Variants in ZSCAN22 observed in about 807,000 individuals in gnomAD.
The protein encoded by ZSCAN22 is zinc finger and SCAN domain containing 22.
In ZSCAN22, 7 loss-of-function variants were observed where a neutral mutation model predicts 12.4. The ratio of observed to expected loss-of-function variants is 0.57; its 90% CI spans 0.32 to 1.06. The LOEUF (loss-of-function observed/expected upper bound fraction) is 1.06. Among genes scored for constraint, ZSCAN22 ranks in the 50% least tolerant of loss-of-function variants. The probability of loss-of-function intolerance (pLI) is 0.04; values close to 1 mark genes in which losing one functional copy is unlikely to be tolerated. For missense variants in ZSCAN22, 576 were observed against 631.7 expected (o/e 0.91, Z 0.94); for synonymous variants, 243 against 255.9 (o/e 0.95, Z 0.48).
intron 1 of ZSCAN22, among the ~76,000 whole-genome samples, chr19:58,331,214 ACT>A (rs2051719450): frequency 7.2e-6 from 1 of 139,228 alleles, no homozygotes; most frequent in African/African-American, 2.8e-5. Flanking sequence ...TATCAAATGC[ACT>A]TTTTTTTTTT....
rs1425438526 is a variant in ZSCAN22 at position 58,339,361 on chromosome 19, T to A, written c.*35T>A. 1 of 1,536,302 alleles carries A rather than the reference T, an allele frequency of 6.5e-7. No homozygotes were observed. Among genetic ancestry groups the A allele is most frequent in the African/African-American group, 1.4e-5 (1 of 72,458 alleles). Reference sequence around the variant, plus strand: ...GCCCCTGGGGGCGTAGCACAGCGTCTTCTCGGAGGCTCGAGGTCTAAGAGA... The same window carrying A: ...GCCCCTGGGGGCGTAGCACAGCGTCATCTCGGAGGCTCGAGGTCTAAGAGA... On this transcript the variant is annotated 3_prime_UTR_variant, in exon 3 of 3. Transcript: ENST00000329665. This position sits in a 1 kb window ranked among gnomAD's most constrained non-coding sequence, Gnocchi z 5.6.
Position 58,340,943 on chromosome 19 carries a change from G to GC in ZSCAN22, c.*1619dup, listed in dbSNP as rs1452784076. 6.6e-6 allele frequency: 1 copy of GC among 152,084 alleles called. No individual in the cohort carries two copies. The highest frequency in any genetic ancestry group is 1.5e-5 in the Non-Finnish European group (1 of 68,026). 9.4% of individuals were successfully genotyped at this position (152,084 alleles called of 1,614,324 possible). On this transcript the variant is annotated 3_prime_UTR_variant, in exon 3 of 3. Transcript: ENST00000329665. ...TTACTTATTTGCTCCTTGTAGAGCT[G>GC]CCTTTTCCAAGGATACCATAAACTC... is the stretch of plus-strand genomic sequence containing the variant.
Position 58,338,796 on chromosome 19 carries a change from G to A in ZSCAN22, c.946G>A (p.Val316Ile), listed in dbSNP as rs2051831302. ...GAGCACTCACCTCGCCCAGCACCAGGTTGTCCACACAGGGGCGAAGCCCCA... is the reference window on the plus strand; with the variant it reads ...GAGCACTCACCTCGCCCAGCACCAGATTGTCCACACAGGGGCGAAGCCCCA... ...SRSTHLAQHQVVHTGAKPHEC... is the reference protein window; with the variant it reads ...SRSTHLAQHQIVHTGAKPHEC... The change falls in exon 3 of 3, where the codon GTT becomes ATT. Residue 316 changes from valine (V) to isoleucine (I), a missense_variant. Physicochemically the swap from Val to Ile is conservative, Grantham distance 29. Coordinates refer to ENST00000329665, the MANE Select transcript of ZSCAN22 (RefSeq NM_181846.3). The surrounding 1 kb of genome is among the most constrained non-coding windows in gnomAD (Gnocchi z 5.4). The A allele has an allele frequency of 1.2e-6, 2 of 1,613,110 alleles. No homozygotes were observed. The highest frequency in any genetic ancestry group is 1.3e-5 in the African/African-American group (1 of 74,588).
chr19:58,328,217 G>C (rs2051679545), intron 1 of ZSCAN22, among the ~76,000 whole-genome samples: 3 of 152,182 alleles, frequency 2.0e-5, no homozygotes, highest in Admixed American at 6.5e-5. Context: ...GTATTTTGAA[G>C]GCTGTGGCTG....
chr19:58,339,049 G>A lies in ZSCAN22; in HGVS notation c.1199G>A (p.Arg400His), dbSNP rs552021073. ...SQSTHLTQHQ[R>H]IHTGEKPYKC... ...AGCACGCACCTGACTCAACACCAGC[G>A]CATCCACACCGGGGAGAAGCCCTAC... Residue 400 changes from arginine to histidine, a missense_variant, in exon 3 of 3, where the codon CGC (arginine) becomes CAC (histidine). Physicochemically the swap from Arg to His is conservative, Grantham distance 29. Coordinates refer to ENST00000329665, the MANE Select transcript of ZSCAN22 (RefSeq NM_181846.3). The surrounding 1 kb of genome is among the most constrained non-coding windows in gnomAD (Gnocchi z 5.6). 145 of 1,614,082 alleles carry A rather than the reference G, an allele frequency of 9.0e-5. 1 individual carries two copies. Among genetic ancestry groups the A allele is most frequent in the South Asian group, 5.1e-4 (46 of 91,084 alleles).
Position 58,334,960 on chromosome 19 carries a change from G to A in ZSCAN22, c.158G>A (p.Arg53Gln), listed in dbSNP as rs773920717. 3 of 1,613,968 alleles carry A rather than the reference G, an allele frequency of 1.9e-6. No individual in the cohort carries two copies. The highest frequency in any genetic ancestry group is 1.1e-5 in the South Asian group (1 of 91,088). ...AHSEAARLRF[R>Q]HFRYEEASGP... ...TCTGAGGCTGCACGCCTGCGCTTCC[G>A]GCACTTCCGCTATGAGGAGGCATCT... The change falls in exon 2 of 3, where the codon CGG (arginine) becomes CAG (glutamine). Residue 53 changes from arginine (R) to glutamine (Q), a missense_variant. Physicochemically the swap from Arg to Gln is conservative, Grantham distance 43 (BLOSUM62 1). Coordinates refer to ENST00000329665, the MANE Select transcript of ZSCAN22 (RefSeq NM_181846.3).
chr19:58,327,425 A>C, intron 1 of ZSCAN22, among the ~76,000 whole-genome samples: 1 of 151,960 alleles, frequency 6.6e-6, no homozygotes, highest in Non-Finnish European at 1.5e-5. Flanking sequence ...ACCGACGGAG[A>C]ATGTGTCGGA....
chr19:58,327,373 G>A lies in ZSCAN22; in HGVS notation c.-52+259G>A, dbSNP rs185160766. On this transcript the variant is annotated intron_variant, in intron 1 of 2. Coordinates refer to ENST00000329665, the MANE Select transcript of ZSCAN22 (RefSeq NM_181846.3). ...ACGGACCCGGTGTGGACAGACTCAC[G>A]GACCGAATGTGGTGCGGAATGACAC... Among the ~76,000 whole-genome samples, 1,444 of 152,210 alleles carry A rather than the reference G, an allele frequency of 9.5e-3. 20 individuals are homozygous for A. The highest frequency in any genetic ancestry group is 0.033 in the African/African-American group (1,368 of 41,522).
Position 58,339,563 on chromosome 19 carries a change from A to G in ZSCAN22, c.*237A>G, listed in dbSNP as rs1423577210. ...GCTTCCAGAAGGGCCCTGCACTGCT[A>G]CCCTCTATTTCCCACTCAGGGCTGT... is the stretch of plus-strand genomic sequence containing the variant. On this transcript the variant is annotated 3_prime_UTR_variant, in exon 3 of 3. Coordinates refer to ENST00000329665, the MANE Select transcript of ZSCAN22 (RefSeq NM_181846.3). This position sits in a 1 kb window ranked among gnomAD's most constrained non-coding sequence, Gnocchi z 5.6. The G allele has an allele frequency of 1.8e-5, 9 of 497,884 alleles. No homozygotes were observed. In the East Asian group the frequency reaches 2.2e-4, roughly 12 times the overall value. 30.8% of individuals were successfully genotyped at this position (497,884 alleles called of 1,614,324 possible). A position where few individuals can be genotyped will look rare whatever the true frequency, so the allele number is the denominator to read the frequency against.
At chr19:58,337,786 C>T (rs2051814731) in intron 2 of ZSCAN22, among the ~76,000 whole-genome samples, 1 of 116,764 alleles carries the variant, frequency 8.6e-6, no homozygotes, top group Non-Finnish European at 1.8e-5. Context: ...AGGGACAGAA[C>T]TCCAACCCCA....
chr19:58,328,538 A>C (rs1193000096), intron 1 of ZSCAN22, among the ~76,000 whole-genome samples: 1 of 152,220 alleles, frequency 6.6e-6, no homozygotes, highest in Non-Finnish European at 1.5e-5. Context: ...CAACCCTCTG[A>C]GGTAGGTACC....
chr19:58,330,014 C>T (rs2051703429), intron 1 of ZSCAN22, among the ~76,000 whole-genome samples: 2 of 152,198 alleles, frequency 1.3e-5, no homozygotes, highest in Admixed American at 1.3e-4. Flanking sequence ...TGCGGCCAGG[C>T]GCAGTGGCTC....
Position 58,339,324 on chromosome 19 carries a change from T to G in ZSCAN22, c.1474T>G (p.Ter492GlyextTer33), listed in dbSNP as rs2051843346. Residue 492 changes from the stop codon to glycine (G), a stop_lost, in exon 3 of 3, where the codon TGA becomes GGA. Transcript: ENST00000329665. The surrounding 1 kb of genome is among the most constrained non-coding windows in gnomAD (Gnocchi z 5.6). ...GCGGATCCACATCACGGTGCTGCAATGACCGGAAGTCGCCCCTGGGGGCGT... is the reference window on the plus strand; with the variant it reads ...GCGGATCCACATCACGGTGCTGCAAGGACCGGAAGTCGCCCCTGGGGGCGT... ...HLRIHITVLQ* is the reference protein window; with the variant it reads ...HLRIHITVLQG The G allele has an allele frequency of 1.9e-6, 3 of 1,590,936 alleles. No individual in the cohort carries two copies. The highest frequency in any genetic ancestry group is 2.6e-6 in the Non-Finnish European group (3 of 1,165,746).
At chr19:58,332,919 A>G (rs781608658) in intron 1 of ZSCAN22, among the ~76,000 whole-genome samples, 3 of 152,250 alleles carry the variant, frequency 2.0e-5, no homozygotes, top group Non-Finnish European at 4.4e-5. Flanking sequence ...CATTCCCAGC[A>G]GCAGCATATG....
Position 58,329,117 on chromosome 19 carries a change from C to T in ZSCAN22, c.-52+2003C>T, listed in dbSNP as rs2051691566. Among the ~76,000 whole-genome samples, 1 of 152,154 alleles carries T rather than the reference C, an allele frequency of 6.6e-6. No homozygotes were observed. Among genetic ancestry groups the T allele is most frequent in the South Asian group, 2.1e-4 (1 of 4,828 alleles). On this transcript the variant is annotated intron_variant, in intron 1 of 2. Coordinates refer to ENST00000329665, the MANE Select transcript of ZSCAN22 (RefSeq NM_181846.3). The surrounding 1 kb of genome is among the most constrained non-coding windows in gnomAD (Gnocchi z 4.1). ...CAGAACTCGAGAGCAGCAGGGGCGA[C>T]AAGGGGCTTAGAAAGGCCACAAGAG...
intron 1 of ZSCAN22, among the ~76,000 whole-genome samples, chr19:58,331,718 T>A (rs1304079454): frequency 1.3e-5 from 2 of 150,400 alleles, no homozygotes; most frequent in Admixed American, 1.3e-4. Flanking sequence ...CTAATTTTTT[T>A]GTATTTTTAA....
Position 58,332,268 on chromosome 19 carries a change from CTT to C in ZSCAN22, c.-51-2462_-51-2461del, listed in dbSNP as rs35345104. ...TCAGCCTCTGACAAACACTAATATG[CTT>C]TTTTTTTTTTTTTTTTTTTTTGAGA... On this transcript the variant is annotated intron_variant, in intron 1 of 2. Transcript: ENST00000329665. Among the ~76,000 whole-genome samples the C allele has an allele frequency of 1.1e-4, 9 of 81,666 alleles. No homozygotes were observed. In the Admixed American group the frequency reaches 1.5e-3, roughly 14 times the overall value. 53.6% of individuals were successfully genotyped at this position (81,666 alleles called of 152,430 possible). A position where few individuals can be genotyped will look rare whatever the true frequency, so the allele number is the denominator to read the frequency against.
In ZSCAN22 at chr19:58,329,208, T is replaced by C. The variant is rs202080865; in HGVS notation, c.-52+2094T>C. ...CAGCTTGGCCAGAGGCCACCAGAGG[T>C]CACCAGCGGTCACCAAAAGGTTTCA... On this transcript the variant is annotated intron_variant, in intron 1 of 2. Transcript: ENST00000329665. This position sits in a 1 kb window ranked among gnomAD's most constrained non-coding sequence, Gnocchi z 4.1. Among the ~76,000 whole-genome samples the C allele has an allele frequency of 2.0e-3, 244 of 122,540 alleles. No individual in the cohort carries two copies. The highest frequency in any genetic ancestry group is 9.0e-3 in the African/African-American group (224 of 24,958). 80.4% of individuals were successfully genotyped at this position (122,540 alleles called of 152,430 possible). A position where few individuals can be genotyped will look rare whatever the true frequency, so the allele number is the denominator to read the frequency against.
intron 1 of ZSCAN22, among the ~76,000 whole-genome samples, chr19:58,331,409 G>T (rs1426248911): frequency 6.6e-6 from 1 of 151,186 alleles, no homozygotes; most frequent in Non-Finnish European, 1.5e-5. Context: ...TAGAGATGGG[G>T]TTTCGCCATG....
Sources: gnomAD v4.1 joint callset for allele counts (sites outside exome capture counted in the v4.1 genomes callset) on GRCh38, gnomAD v4.1.1 for gene constraint, Gnocchi (gnomAD v3.1) non-coding constraint, MANE v1.5 for transcripts, NCBI Gene and HGNC (gene_info 2026-07-23, HGNC 2026-07-21) for gene names.